The following NRG3 variants were observed in gnomAD, a reference collection of about 807,000 sequenced individuals.
NRG3 encodes the protein neuregulin 3.
NRG3 carries 31 observed loss-of-function variants against 66.9 expected under a neutral mutation model. That is an observed-to-expected ratio of 0.46 (90% confidence interval 0.35 to 0.63). The LOEUF (loss-of-function observed/expected upper bound fraction) is 0.63. Among genes scored for constraint, NRG3 ranks in the 20% least tolerant of loss-of-function variants. The pLI, the probability that NRG3 is intolerant of heterozygous loss-of-function variation, is 0.00. For synonymous variants in NRG3, 393 were observed against 359.4 expected (o/e 1.09, Z -1.06); for missense variants, 910 against 878.9 (o/e 1.04, Z -0.45).
chr10:82,480,384 A>T (rs989843287), intron 2 of NRG3, among the ~76,000 whole-genome samples: 6 of 152,248 alleles, frequency 3.9e-5, no homozygotes, highest in Non-Finnish European at 5.9e-5. Flanking sequence ...AAGTCATTTT[A>T]AAATAAAAAG....
chr10:81,890,956 C>T (rs934262537), intron 1 of NRG3, among the ~76,000 whole-genome samples: 1 of 152,178 alleles, frequency 6.6e-6, no homozygotes, highest in Non-Finnish European at 1.5e-5. Context: ...TCTGTTCCCC[C>T]TAGTAGAACT....
chr10:82,403,604 A>T (rs1232396733), intron 2 of NRG3, among the ~76,000 whole-genome samples: 1 of 152,184 alleles, frequency 6.6e-6, no homozygotes, highest in East Asian at 1.9e-4. Flanking sequence ...CTTTTGATAT[A>T]AAATAAAGAT....
chr10:82,741,165 G>C (rs761888873), intron 3 of NRG3, among the ~76,000 whole-genome samples: 1 of 152,084 alleles, frequency 6.6e-6, no homozygotes, highest in Non-Finnish European at 1.5e-5. Context: ...CCATGCACAC[G>C]TGCATTTCTT....
At chr10:82,830,832 C>A (rs1252200441) in intron 3 of NRG3, among the ~76,000 whole-genome samples, 1 of 152,060 alleles carries the variant, frequency 6.6e-6, no homozygotes, top group Admixed American at 6.6e-5. Flanking sequence ...TGGTGTACTT[C>A]AAATTAGGGA....
At chr10:82,300,432 C>T (rs905842378) in intron 1 of NRG3, among the ~76,000 whole-genome samples, 10 of 152,096 alleles carry the variant, frequency 6.6e-5, no homozygotes, top group African/African-American at 2.4e-4. Context: ...AGACAGTTTT[C>T]ATATTTTACC....
At chr10:82,820,670 A>G (rs1241144228) in intron 3 of NRG3, among the ~76,000 whole-genome samples, 2 of 152,216 alleles carry the variant, frequency 1.3e-5, no homozygotes, top group East Asian at 3.8e-4. Context: ...AAGATATGCC[A>G]TCAGTTAAGT....
chr10:81,961,121 G>A (rs368059066), intron 1 of NRG3, among the ~76,000 whole-genome samples: 3 of 151,974 alleles, frequency 2.0e-5, no homozygotes, highest in Non-Finnish European at 4.4e-5. Flanking sequence ...TAATGAAGGA[G>A]GTGTGACTTG....
intron 2 of NRG3, among the ~76,000 whole-genome samples, chr10:82,576,971 A>G (rs1323930682): frequency 6.6e-6 from 1 of 151,738 alleles, no homozygotes; most frequent in African/African-American, 2.4e-5. Context: ...TCTCAAAGCA[A>G]TGAGTGACTT....
chr10:81,951,144 G>T (rs1162341349), intron 1 of NRG3, among the ~76,000 whole-genome samples: 1 of 152,058 alleles, frequency 6.6e-6, no homozygotes, highest in Non-Finnish European at 1.5e-5. Context: ...TTAAGTCAAC[G>T]TTTCTGATCT....
At chr10:81,880,846 G>C (rs564581021) in intron 1 of NRG3, among the ~76,000 whole-genome samples, 1 of 152,074 alleles carries the variant, frequency 6.6e-6, no homozygotes, top group African/African-American at 2.4e-5. Flanking sequence ...CTTTAGACTC[G>C]TGTGTTGGGT....
chr10:81,960,115 G>A (rs892012191), intron 1 of NRG3, among the ~76,000 whole-genome samples: 3 of 151,468 alleles, frequency 2.0e-5, no homozygotes, highest in African/African-American at 4.9e-5. Context: ...GGATGGTTGC[G>A]GCACATGTTC....
chr10:82,783,137 C>T (rs1224811824), intron 3 of NRG3, among the ~76,000 whole-genome samples: 1 of 152,112 alleles, frequency 6.6e-6, no homozygotes, highest in Non-Finnish European at 1.5e-5. Flanking sequence ...ACAGAAAAGG[C>T]CTTTGACAAA....
chr10:82,550,271 G>T (rs2044218432), intron 2 of NRG3, among the ~76,000 whole-genome samples: 1 of 152,042 alleles, frequency 6.6e-6, no homozygotes, highest in African/African-American at 2.4e-5. Context: ...TTACCCCATT[G>T]TCTACCTCCA....
chr10:82,477,269 A>G (rs1397499900), intron 2 of NRG3, among the ~76,000 whole-genome samples: 2 of 152,178 alleles, frequency 1.3e-5, no homozygotes, highest in East Asian at 3.9e-4. Flanking sequence ...AAGGGAGGAA[A>G]TGTCAAGTAG....
intron 3 of NRG3, among the ~76,000 whole-genome samples, chr10:82,750,219 G>A (rs892443022): frequency 7.2e-5 from 11 of 152,080 alleles, no homozygotes; most frequent in African/African-American, 2.2e-4. Context: ...CAAGTAACAC[G>A]CCCATGATCC....
At chr10:82,817,147 C>T (rs2061745810) in intron 3 of NRG3, among the ~76,000 whole-genome samples, 1 of 152,184 alleles carries the variant, frequency 6.6e-6, no homozygotes, top group Non-Finnish European at 1.5e-5. Flanking sequence ...CCCTTTAATT[C>T]AGCAATTCTA....
At chr10:82,600,812 A>G (rs1272532723) in intron 2 of NRG3, among the ~76,000 whole-genome samples, 2 of 151,842 alleles carry the variant, frequency 1.3e-5, no homozygotes, top group Non-Finnish European at 2.9e-5. Context: ...TTTTAGATTT[A>G]TGGGGTACGT....
chr10:82,015,671 A>G (rs1035602867), intron 1 of NRG3, among the ~76,000 whole-genome samples: 3 of 152,150 alleles, frequency 2.0e-5, no homozygotes, highest in Non-Finnish European at 4.4e-5. Context: ...ATGTGAGTCA[A>G]TTAAACCTCT....
chr10:82,571,891 T>TA (rs903686579), intron 2 of NRG3, among the ~76,000 whole-genome samples: 1 of 151,596 alleles, frequency 6.6e-6, no homozygotes, highest in Non-Finnish European at 1.5e-5. Context: ...AAAGATACAT[T>TA]AAAAAAATGT....
Sources: allele counts gnomAD v4.1 joint callset (sites outside exome capture counted in the v4.1 genomes callset), GRCh38; gene constraint gnomAD v4.1.1; transcripts MANE v1.5; gene names NCBI Gene and HGNC (gene_info 2026-07-23, HGNC 2026-07-21).